Variants in CCDC136 observed in about 807,000 individuals in gnomAD.
CCDC136 encodes coiled-coil domain containing 136.
CCDC136 carries 100 observed loss-of-function variants against 141.2 expected under a neutral mutation model. That is an observed-to-expected ratio of 0.71 (90% CI 0.60 to 0.84). CCDC136 has a LOEUF of 0.84. Ranked by LOEUF, CCDC136 falls within the 40% of genes least tolerant of loss-of-function variation. The probability of loss-of-function intolerance (pLI) is 0.00; values close to 1 mark genes in which losing one functional copy is unlikely to be tolerated. For missense variants in CCDC136, 1,206 were observed against 1,379.4 expected (o/e 0.87, Z 1.99); for synonymous variants, 474 against 531.9 (o/e 0.89, Z 1.50).
rs1372831000 is a variant in CCDC136, at chr7:128,807,517, C to T, written c.1577C>T (p.Pro526Leu). The T allele has an allele frequency of 5.4e-6, 8 of 1,488,312 alleles. No individual in the cohort carries two copies. Among genetic ancestry groups the T allele is most frequent in the South Asian group, 1.3e-5 (1 of 75,852 alleles). 92.2% of individuals were successfully genotyped at this position (1,488,312 alleles called of 1,614,324 possible). ...LKELKASHPI[P>L]EDKGKCANKC... The stretch of plus-strand genomic sequence containing the variant: ...GAGCTCAAGGCCTCCCACCCCATTC[C>T]GGAGGACAAAGGAAAGTGTGCTAAT... The change falls in exon 10 of 18, where the codon CCG (proline) becomes CTG (leucine). Residue 526 changes from proline to leucine, a missense_variant. Pro to Leu is a moderately conservative substitution (Grantham distance 98). Coordinates refer to ENST00000297788, the MANE Select transcript of CCDC136 (RefSeq NM_022742.5).
Position 128,792,302 on chromosome 7 carries a change from C to CCCCCCCCA in CCDC136, c.-110_-109insCCCCCCCA. On this transcript the variant is annotated 5_prime_UTR_variant, in exon 1 of 18. An upstream open reading frame in the 5' UTR loses its in-frame stop. Coordinates refer to ENST00000297788, the MANE Select transcript of CCDC136 (RefSeq NM_022742.5). ...CCAGCCCCCCACCCCCCAGCCCCTCCTTTCTCCCTGCTCTCAGGACCCACA... is the reference window on the plus strand; with the variant it reads ...CCAGCCCCCCACCCCCCAGCCCCTCCCCCCCCCATTTCTCCCTGCTCTCAGGACCCACA... 6.3e-7 allele frequency: 1 copy of CCCCCCCCA among 1,598,654 alleles called. No homozygotes were observed. The highest frequency in any genetic ancestry group is 8.5e-7 in the Non-Finnish European group (1 of 1,172,610).
chr7:128,798,582 C>T (rs1156630637), intron 3 of CCDC136, among the ~76,000 whole-genome samples: 1 of 151,926 alleles, frequency 6.6e-6, no homozygotes, highest in Non-Finnish European at 1.5e-5. Context: ...GCCAGAAGCA[C>T]CTAAGAGAGA....
Position 128,815,811 on chromosome 7 carries a change from T to G in CCDC136, c.3243T>G (p.Asn1081Lys). The G allele has an allele frequency of 6.2e-7, 1 of 1,605,106 alleles. No homozygotes were observed. Among genetic ancestry groups the G allele is most frequent in the Non-Finnish European group, 8.5e-7 (1 of 1,176,034 alleles). Residue 1081 changes from asparagine to lysine, a missense_variant, in exon 16 of 18, where the codon AAT (asparagine) becomes AAG (lysine). By Grantham distance (94) the Asn-to-Lys change is moderately conservative. Transcript: ENST00000297788. ...EAKSTEDQEE[N>K]EEDKEEEEKE... ...AATCCACAGAAGATCAGGAGGAAAA[T>G]GAAGAGGACAAAGAGGAAGAGGAGA...
chr7:128,808,618 A>G, intron 10 of CCDC136: 1 of 985,146 alleles, frequency 1.0e-6, no homozygotes, highest in Non-Finnish European at 1.2e-6. Flanking sequence ...CTGCCAGAAA[A>G]CTCAGTAGTT....
chr7:128,801,038 C>T (rs1803944686), intron 3 of CCDC136, 148 bp from the exon 4 acceptor site: 1 of 606,502 alleles, frequency 1.6e-6, no homozygotes, highest in Non-Finnish European at 2.9e-6. Flanking sequence ...TTCCGTCCGG[C>T]ATGATGCTAC....
rs947238105 is a variant in CCDC136 at position 128,804,745 on chromosome 7, G to T, written c.766G>T (p.Asp256Tyr). 7 of 1,593,036 alleles carry T rather than the reference G, an allele frequency of 4.4e-6. No homozygotes were observed. Among genetic ancestry groups the T allele is most frequent in the Non-Finnish European group, 6.0e-6 (7 of 1,168,402 alleles). The change falls in exon 5 of 18, where the codon GAT becomes TAT. Residue 256 changes from aspartate to tyrosine, a missense_variant. Asp to Tyr is a radical substitution (Grantham distance 160). Coordinates refer to ENST00000297788, the MANE Select transcript of CCDC136 (RefSeq NM_022742.5). Reference sequence around the variant, plus strand: ...CAGCAGCCTCACGGGGCAGCTTGCAGATCTGGAGAGTGAGAGGTACAGCTG... The same window carrying T: ...CAGCAGCCTCACGGGGCAGCTTGCATATCTGGAGAGTGAGAGGTACAGCTG... ...SNSSLTGQLA[D>Y]LESERTQRAT...
intron 11 of CCDC136, 136 bp from the exon 12 acceptor site, chr7:128,810,003 C>T: frequency 3.2e-6 from 2 of 623,254 alleles, no homozygotes; most frequent in Non-Finnish European, 5.6e-6. Flanking sequence ...CTCCCCCGTC[C>T]CCAGATGGGC....
At chr7:128,811,737 A>G in intron 12 of CCDC136, 63 bp from the exon 13 acceptor site, 1 of 1,412,436 alleles carries the variant, frequency 7.1e-7, no homozygotes. Context: ...GTACCAGGAG[A>G]GGTGCAGCTG....
intron 4 of CCDC136, among the ~76,000 whole-genome samples, chr7:128,803,798 G>A (rs1804404789): frequency 6.6e-6 from 1 of 151,378 alleles, no homozygotes; most frequent in African/African-American, 2.4e-5. Flanking sequence ...CAGATAAAAG[G>A]CCATTAGAAA....
intron 4 of CCDC136, among the ~76,000 whole-genome samples, chr7:128,804,166 C>T (rs937324101): frequency 2.6e-5 from 4 of 152,162 alleles, no homozygotes; most frequent in African/African-American, 4.8e-5. Context: ...GAATAAAGAA[C>T]ATAAAAGGAA....
At chr7:128,820,001 G>A (rs1807216918) in intron 17 of CCDC136, among the ~76,000 whole-genome samples, 1 of 152,182 alleles carries the variant, frequency 6.6e-6, no homozygotes, top group Non-Finnish European at 1.5e-5. Flanking sequence ...TTCAAAGGCA[G>A]AATTTTCCAT....
rs764059209 is a variant in CCDC136, at chr7:128,812,318, G to C, written c.2541+6G>C. 3 of 1,608,254 alleles carry C rather than the reference G, an allele frequency of 1.9e-6. No individual in the cohort carries two copies. Among genetic ancestry groups the C allele is most frequent in the Non-Finnish European group, 2.5e-6 (3 of 1,177,478 alleles). On this transcript the variant is annotated splice_donor_region_variant and intron_variant, in intron 13 of 17. Transcript: ENST00000297788. Reference sequence around the variant, plus strand: ...CTGAGCCTGAAGACATGGAGGTAATGGTTGCCAGGTGACAGGTCAGGCAGG... The same window carrying C: ...CTGAGCCTGAAGACATGGAGGTAATCGTTGCCAGGTGACAGGTCAGGCAGG...
intron 9 of CCDC136, 112 bp from the exon 10 acceptor site, chr7:128,807,248 T>G: frequency 1.4e-6 from 1 of 722,344 alleles, no homozygotes. Flanking sequence ...TGGGATGAAA[T>G]TGGGGCTGAG....
chr7:128,795,309 G>A (rs1420876671), intron 3 of CCDC136, among the ~76,000 whole-genome samples: 4 of 151,992 alleles, frequency 2.6e-5, no homozygotes, highest in East Asian at 1.9e-4. Flanking sequence ...CAACACCCAC[G>A]TCCCTTTGTC....
At chr7:128,792,577 C>T (rs1802346021) in intron 1 of CCDC136, 150 bp downstream of exon 1, 4 of 612,022 alleles carry the variant, frequency 6.5e-6, no homozygotes. Context: ...GAGCTCCAGC[C>T]CTTCCCAGGG....
Position 128,817,884 on chromosome 7 carries a change from T to TCCTTCTG in CCDC136, c.*5+21_*5+27dup, listed in dbSNP as rs779793262. The TCCTTCTG allele has an allele frequency of 2.5e-6, 4 of 1,580,524 alleles. No homozygotes were observed. Among genetic ancestry groups the TCCTTCTG allele is most frequent in the Admixed American group, 3.3e-5 (2 of 59,922 alleles). On this transcript the variant is annotated intron_variant, in intron 17 of 17. Coordinates refer to ENST00000297788, the MANE Select transcript of CCDC136 (RefSeq NM_022742.5). This position sits in a 1 kb window ranked among gnomAD's most constrained non-coding sequence, Gnocchi z 4.6. ...ATGCAGGTACTGGTATTGCTTCCTCTCCTTCTGAGGGATAGAGGGAGGGTG... is the reference window on the plus strand; with the variant it reads ...ATGCAGGTACTGGTATTGCTTCCTCTCCTTCTGCCTTCTGAGGGATAGAGGGAGGGTG...
rs1232837617 is a variant in CCDC136 at position 128,815,643 on chromosome 7, C to T, written c.3075C>T (p.Ala1025=). The T allele has an allele frequency of 6.4e-7, 1 of 1,556,274 alleles. No homozygotes were observed. Among genetic ancestry groups the T allele is most frequent in the East Asian group, 2.4e-5 (1 of 41,234 alleles). The change falls in exon 16 of 18, where the codon GCC becomes GCT. Residue 1025 remains alanine (A), a synonymous_variant. Transcript: ENST00000297788. ...KSLEVVLYYK[A]SQRKLDGLAK... Reference sequence around the variant, plus strand: ...TGGAGGTAGTGCTGTACTACAAGGCCAGCCAGAGGAAATTAGATGGACTAG... The same window carrying T: ...TGGAGGTAGTGCTGTACTACAAGGCTAGCCAGAGGAAATTAGATGGACTAG...
chr7:128,796,739 A>ATATATATTTT, intron 3 of CCDC136, among the ~76,000 whole-genome samples: 5 of 113,376 alleles, frequency 4.4e-5, no homozygotes, highest in East Asian at 7.1e-4. Context: ...ATATATATAT[A>ATATATATTTT]TTCTTTTTTT....
Position 128,821,671 on chromosome 7 carries a change from C to A in CCDC136, c.*6-128C>A. 1 of 609,070 alleles carries A rather than the reference C, an allele frequency of 1.6e-6. No individual in the cohort carries two copies. The highest frequency in any genetic ancestry group is 2.6e-6 in the Non-Finnish European group (1 of 387,996). 37.7% of individuals were successfully genotyped at this position (609,070 alleles called of 1,614,324 possible). A position where few individuals can be genotyped will look rare whatever the true frequency, so the allele number is the denominator to read the frequency against. Reference sequence around the variant, plus strand: ...AGAGATCACTTACCTCCACCGGTTACCCAGGAGGTAACAGAGACTGATCCA... The same window carrying A: ...AGAGATCACTTACCTCCACCGGTTAACCAGGAGGTAACAGAGACTGATCCA... On this transcript the variant is annotated intron_variant, in intron 17 of 17. Coordinates refer to ENST00000297788, the MANE Select transcript of CCDC136 (RefSeq NM_022742.5). The surrounding 1 kb of genome is among the most constrained non-coding windows in gnomAD (Gnocchi z 5.1).
Sources: gnomAD v4.1 joint callset for allele counts (sites outside exome capture counted in the v4.1 genomes callset) on GRCh38, gnomAD v4.1.1 for gene constraint, Gnocchi (gnomAD v3.1) non-coding constraint, MANE v1.5 for transcripts, NCBI Gene and HGNC (gene_info 2026-07-23, HGNC 2026-07-21) for gene names.